SH3KBP1: variants seen among roughly 807,000 people sequenced by gnomAD.
SH3KBP1 encodes SH3 domain containing kinase binding protein 1.
In SH3KBP1, 8 loss-of-function variants were observed where a neutral mutation model predicts 50.1. That is an observed-to-expected ratio of 0.16 (90% confidence interval 0.09 to 0.29). The LOEUF (loss-of-function observed/expected upper bound fraction) is 0.29, where lower values mean the gene tolerates loss of function less well. Among genes scored for constraint, SH3KBP1 ranks in the 10% least tolerant of loss-of-function variants. The pLI is 1.00. For synonymous variants in SH3KBP1, 227 were observed against 218.6 expected (o/e 1.04, Z -0.34); for missense variants, 377 against 535.2 (o/e 0.70, Z 2.92).
chrX:19,655,930 C>T (rs2062267793), intron 6 of SH3KBP1, among the ~76,000 whole-genome samples: 2 of 112,074 alleles, frequency 1.8e-5, no homozygotes, highest in Non-Finnish European at 3.8e-5. Flanking sequence ...GAGCTATTAA[C>T]AAACGTTCAT....
chrX:19,697,941 G>A (rs1046410049), intron 4 of SH3KBP1, among the ~76,000 whole-genome samples: 8 of 112,021 alleles, frequency 7.1e-5, no homozygotes, highest in African/African-American at 2.6e-4. Context: ...TCCAGATGAC[G>A]GCATTCATGC....
intron 3 of SH3KBP1, among the ~76,000 whole-genome samples, chrX:19,718,091 A>G (rs2063957375): frequency 9.2e-6 from 1 of 108,946 alleles, no homozygotes; most frequent in South Asian, 4.0e-4. Context: ...ATAGTACACT[A>G]AAAGACTAAA....
Position 19,773,966 on chromosome X carries a change from G to C in SH3KBP1, c.163-27525C>G, listed in dbSNP as rs764823406. ...CACTGTCACTGTGTGAAAGGCATGT[G>C]GCTCTGGGGAGAAGAAGCTCATGTC... is the stretch of plus-strand genomic sequence containing the variant. On this transcript the variant is annotated intron_variant, in intron 2 of 17. Coordinates refer to ENST00000397821, the MANE Select transcript of SH3KBP1 (RefSeq NM_031892.3). Among the ~76,000 whole-genome samples the C allele has an allele frequency of 4.9e-3, 534 of 108,347 alleles. 8 individuals carry two copies. The highest frequency in any genetic ancestry group is 6.2e-3 in the Non-Finnish European group (326 of 52,333). 94.1% of individuals were successfully genotyped at this position (108,347 alleles called of 115,157 possible).
rs575157529 is a variant in SH3KBP1 at position 19,830,597 on chromosome X, AT to A, written c.162+5527del. On this transcript the variant is annotated intron_variant, in intron 2 of 17. Coordinates refer to ENST00000397821, the MANE Select transcript of SH3KBP1 (RefSeq NM_031892.3). Reference sequence around the variant, plus strand: ...CATAGTGAGACCCTGTCTCTACATAATTTTTTTTTTTTTAATTAGCCAGGTG... The same window carrying A: ...CATAGTGAGACCCTGTCTCTACATAATTTTTTTTTTTTAATTAGCCAGGTG... Among the ~76,000 whole-genome samples the A allele has an allele frequency of 8.8e-3, 905 of 103,244 alleles. 10 individuals are homozygous for A. The highest frequency in any genetic ancestry group is 0.027 in the African/African-American group (766 of 28,542). The allele number at this position is 103,244 out of a possible 115,157, so 89.7% of individuals were successfully genotyped here.
chrX:19,659,954 C>A (rs2062408319), intron 6 of SH3KBP1, among the ~76,000 whole-genome samples: 1 of 112,710 alleles, frequency 8.9e-6, no homozygotes, highest in African/African-American at 3.2e-5. Context: ...ATGTGCCTTG[C>A]ACAGGAGATG....
chrX:19,770,062 C>G (rs1021548477), intron 2 of SH3KBP1, among the ~76,000 whole-genome samples: 4 of 111,814 alleles, frequency 3.6e-5, no homozygotes, highest in Non-Finnish European at 7.5e-5. Context: ...AACAGACATA[C>G]GAAAATAATG....
At chrX:19,770,653 C>T (rs775592972) in intron 2 of SH3KBP1, among the ~76,000 whole-genome samples, 1 of 110,856 alleles carries the variant, frequency 9.0e-6, no homozygotes, top group South Asian at 3.8e-4. Flanking sequence ...ATTTACATTC[C>T]CACCAAGAGT....
chrX:19,876,818 T>G (rs915778609), intron 1 of SH3KBP1, among the ~76,000 whole-genome samples: 16 of 111,221 alleles, frequency 1.4e-4, no homozygotes, highest in Non-Finnish European at 2.8e-4. Context: ...ATATAACCTA[T>G]TCCAAAAACT....
intron 2 of SH3KBP1, among the ~76,000 whole-genome samples, chrX:19,812,242 G>A (rs754743585): frequency 9.0e-6 from 1 of 111,229 alleles, no homozygotes; most frequent in Non-Finnish European, 1.9e-5. Flanking sequence ...GAGCAAAAAC[G>A]GGCTGACTTC....
intron 1 of SH3KBP1, among the ~76,000 whole-genome samples, chrX:19,868,510 T>C (rs1296918605): frequency 2.5e-4 from 27 of 108,978 alleles, no homozygotes; most frequent in African/African-American, 8.7e-4. Context: ...AGCCATGTGA[T>C]TGGCAAAAAT....
At chrX:19,809,291 C>T (rs143318019) in intron 2 of SH3KBP1, among the ~76,000 whole-genome samples, 1,121 of 111,528 alleles carry the variant, frequency 0.01, 16 homozygotes, top group African/African-American at 0.034. Flanking sequence ...TTTGGGAGGC[C>T]GAGGCAGGCA....
intron 2 of SH3KBP1, among the ~76,000 whole-genome samples, chrX:19,835,732 C>CCA (rs980428236): frequency 9.1e-6 from 1 of 109,585 alleles, no homozygotes; most frequent in Non-Finnish European, 1.9e-5. Flanking sequence ...GCACATGCCA[C>CCA]CACACCTGGC....
intron 9 of SH3KBP1, among the ~76,000 whole-genome samples, chrX:19,599,062 C>T (rs1363941101): frequency 9.0e-6 from 1 of 111,409 alleles, no homozygotes; most frequent in Non-Finnish European, 1.9e-5. Flanking sequence ...TCCTTATTTA[C>T]AAAACTGCCA....
At chrX:19,719,863 A>AATAATAATG (rs2064009416) in intron 3 of SH3KBP1, among the ~76,000 whole-genome samples, 1 of 105,222 alleles carries the variant, frequency 9.5e-6, no homozygotes, top group Non-Finnish European at 1.9e-5. Context: ...TAATAATAAT[A>AATAATAATG]ATAATAATAA....
chrX:19,787,257 T>C (rs757838461), intron 2 of SH3KBP1, among the ~76,000 whole-genome samples: 3 of 112,203 alleles, frequency 2.7e-5, no homozygotes, highest in East Asian at 5.6e-4. Context: ...TTGATGTGAA[T>C]TGTGTGTTCC....
At chrX:19,752,996 T>C (rs935123719) in intron 2 of SH3KBP1, among the ~76,000 whole-genome samples, 3 of 111,809 alleles carry the variant, frequency 2.7e-5, no homozygotes, top group African/African-American at 9.8e-5. Context: ...GGCATCCTTG[T>C]TCTCCACCTC....
At chrX:19,745,855 G>A (rs1384914877) in intron 3 of SH3KBP1, among the ~76,000 whole-genome samples, 1 of 112,821 alleles carries the variant, frequency 8.9e-6, no homozygotes, top group Non-Finnish European at 1.9e-5. Flanking sequence ...AGATGTGTTA[G>A]CTATATCTTT....
intron 7 of SH3KBP1, among the ~76,000 whole-genome samples, chrX:19,640,264 C>T (rs2061820527): frequency 9.0e-6 from 1 of 111,600 alleles, no homozygotes; most frequent in Non-Finnish European, 1.9e-5. Flanking sequence ...AAGCAGTCTT[C>T]ATTTCCAGCC....
At chrX:19,806,890 C>T (rs751909495) in intron 2 of SH3KBP1, among the ~76,000 whole-genome samples, 1 of 112,021 alleles carries the variant, frequency 8.9e-6, no homozygotes, top group East Asian at 2.8e-4. Flanking sequence ...AGAGGCTCCA[C>T]TTTTAAGAAT....
Sources: allele counts gnomAD v4.1 joint callset (sites outside exome capture counted in the v4.1 genomes callset), GRCh38; gene constraint gnomAD v4.1.1; transcripts MANE v1.5; gene names NCBI Gene and HGNC (gene_info 2026-07-23, HGNC 2026-07-21).